The following PROM1 variants were observed in gnomAD, a reference collection of about 807,000 sequenced individuals.
PROM1 encodes prominin-1.
In PROM1, 105 loss-of-function variants were observed where a neutral mutation model predicts 116.9. That is an observed-to-expected ratio of 0.90 (90% confidence interval 0.77 to 1.06). PROM1 has a LOEUF of 1.06. Ranked by LOEUF, PROM1 falls within the 50% of genes least tolerant of loss-of-function variation. The probability of loss-of-function intolerance (pLI) is 0.00; values close to 1 mark genes in which losing one functional copy is unlikely to be tolerated. For synonymous variants in PROM1, 393 were observed against 387.0 expected, an observed-to-expected ratio of 1.02 and a Z score of -0.18; for missense variants, 1,122 against 1,045.2, an observed-to-expected ratio of 1.07 and a Z score of -1.01.
chr4:16,005,515 T>TG (rs1560463556), intron 13 of PROM1, among the ~76,000 whole-genome samples: 2 of 151,166 alleles, frequency 1.3e-5, no homozygotes, highest in African/African-American at 4.9e-5. Context: ...TGTGTGTGTG[T>TG]GTGTGTGTGT....
chr4:15,972,986 G>A (rs57950177), intron 26 of PROM1, among the ~76,000 whole-genome samples: 6,768 of 152,204 alleles, frequency 0.044, 521 homozygotes, highest in African/African-American at 0.15. Flanking sequence ...GGAAGGTCCT[G>A]GCCCCCGAAG....
intron 4 of PROM1, among the ~76,000 whole-genome samples, chr4:16,035,279 T>G (rs996438615): frequency 6.6e-6 from 1 of 152,272 alleles, no homozygotes; most frequent in African/African-American, 2.4e-5. Context: ...AATTGTTTAC[T>G]ATTTTAAAGA....
intron 2 of PROM1, among the ~76,000 whole-genome samples, chr4:16,073,958 G>A (rs991142786): frequency 1.3e-5 from 2 of 152,166 alleles, no homozygotes; most frequent in African/African-American, 4.8e-5. Flanking sequence ...AAGAGATTAT[G>A]GGATTAACTA....
intron 12 of PROM1, among the ~76,000 whole-genome samples, chr4:16,007,488 T>C (rs956017470): frequency 1.3e-4 from 20 of 152,232 alleles, no homozygotes; most frequent in Non-Finnish European, 2.2e-4. Flanking sequence ...GCAGCACCAC[T>C]GAAGCTTTTC....
At chr4:16,076,520 C>T (rs1286148294) in intron 1 of PROM1, 1 of 152,624 alleles carries the variant, frequency 6.6e-6, no homozygotes, top group African/African-American at 2.4e-5. Context: ...AGGAAACTGA[C>T]ACAGAGAGGA....
chr4:16,067,804 C>T (rs370279874), intron 2 of PROM1, among the ~76,000 whole-genome samples: 2 of 151,782 alleles, frequency 1.3e-5, no homozygotes, highest in East Asian at 3.9e-4. Flanking sequence ...CTCTCTGCCT[C>T]TGAGGCCATG....
intron 2 of PROM1, among the ~76,000 whole-genome samples, chr4:16,065,274 A>G (rs1015737768): frequency 2.6e-5 from 4 of 152,018 alleles, no homozygotes; most frequent in African/African-American, 4.8e-5. Flanking sequence ...AACCAGCCTC[A>G]CTGCTCCCCA....
intron 26 of PROM1, among the ~76,000 whole-genome samples, chr4:15,978,294 A>G (rs1716761505): frequency 6.6e-6 from 1 of 152,174 alleles, no homozygotes; most frequent in Admixed American, 6.5e-5. Context: ...TCATAATGAA[A>G]AGTTCTGATT....
intron 15 of PROM1, among the ~76,000 whole-genome samples, chr4:15,996,080 G>T (rs1303083677): frequency 6.6e-6 from 1 of 152,186 alleles, no homozygotes; most frequent in East Asian, 1.9e-4. Flanking sequence ...GAGTGGTGTG[G>T]ATATTAAAGA....
chr4:16,062,139 C>T (rs1740492853), intron 2 of PROM1, among the ~76,000 whole-genome samples: 1 of 152,098 alleles, frequency 6.6e-6, no homozygotes, highest in Admixed American at 6.6e-5. Flanking sequence ...TGACCACCCG[C>T]CTCGGCACCC....
Position 16,025,266 on chromosome 4 carries a change from G to T in PROM1, c.556C>A (p.Arg186=). The T allele has an allele frequency of 6.2e-7, 1 of 1,613,790 alleles. No homozygotes were observed. The highest frequency in any genetic ancestry group is 1.3e-5 in the African/African-American group (1 of 75,026). Residue 186 remains arginine, a synonymous_variant, in exon 6 of 28, where the codon CGG becomes AGG. Transcript: ENST00000447510. ...GCCAGTTTCCGACTCCTTTTGATCC[G>T]GGTTCTTACCTGGTGATTTGCCACA... ...GFVANHQVRT[R]IKRSRKLADS... is the part of the protein sequence containing the mutation.
chr4:16,060,973 G>A (rs1383518284), intron 2 of PROM1, among the ~76,000 whole-genome samples: 1 of 152,196 alleles, frequency 6.6e-6, no homozygotes, highest in Non-Finnish European at 1.5e-5. Flanking sequence ...ATCACACAAA[G>A]TGTTCCTCAT....
At chr4:16,015,505 C>T (rs1397449105) in intron 10 of PROM1, among the ~76,000 whole-genome samples, 1 of 151,870 alleles carries the variant, frequency 6.6e-6, no homozygotes, top group Non-Finnish European at 1.5e-5. Flanking sequence ...GCCTGGCCAA[C>T]ATGGTGAAAC....
chr4:16,006,122 T>C (rs1560464896), intron 13 of PROM1, among the ~76,000 whole-genome samples: 1 of 152,212 alleles, frequency 6.6e-6, no homozygotes, highest in African/African-American at 2.4e-5. Context: ...AAGCTAGCAA[T>C]ACTGCTGACC....
At chr4:16,006,420 G>T (rs1334978793) in intron 13 of PROM1, 118 bp downstream of exon 13, 3 of 1,244,994 alleles carry the variant, frequency 2.4e-6, no homozygotes, top group East Asian at 5.2e-5. Flanking sequence ...CGCGACCTGG[G>T]AGCTGGAACC....
intron 2 of PROM1, among the ~76,000 whole-genome samples, chr4:16,039,358 AAC>A (rs1734649815): frequency 6.6e-6 from 1 of 152,246 alleles, no homozygotes; most frequent in Non-Finnish European, 1.5e-5. Flanking sequence ...ATTGTCTGGA[AAC>A]ACAAATGAAA....
At chr4:15,989,946 G>A in intron 18 of PROM1, 122 bp from the exon 19 acceptor site, 1 of 740,408 alleles carries the variant, frequency 1.4e-6, no homozygotes, top group Non-Finnish European at 2.3e-6. Context: ...AATGATGGCT[G>A]TGAGTGGGCA....
intron 2 of PROM1, among the ~76,000 whole-genome samples, chr4:16,048,249 G>A (rs559800697): frequency 4.6e-5 from 7 of 152,262 alleles, no homozygotes; most frequent in Admixed American, 4.6e-4. Context: ...CGATGGCCTC[G>A]GGTCCTGGAG....
chr4:15,987,857 C>A (rs1473290231), intron 19 of PROM1, 141 bp from the exon 20 acceptor site: 8 of 608,118 alleles, frequency 1.3e-5, no homozygotes, highest in African/African-American at 9.8e-5. Context: ...ATAACCAACA[C>A]AATTAACAAT....
Sources: gnomAD v4.1 joint callset for allele counts (sites outside exome capture counted in the v4.1 genomes callset) on GRCh38, gnomAD v4.1.1 for gene constraint, MANE v1.5 for transcripts, NCBI Gene and HGNC (gene_info 2026-07-23, HGNC 2026-07-21) for gene names.